EXOC8: variants seen among roughly 807,000 people sequenced by gnomAD.
The protein encoded by EXOC8 is exocyst complex component 8, also known as exocyst complex 84 kDa subunit.
A neutral mutation model predicts 50.8 loss-of-function variants in EXOC8; 19 were observed. That is an observed-to-expected ratio of 0.37 (90% CI 0.26 to 0.55). The LOEUF is 0.55. EXOC8 is among the 20% of genes least tolerant of loss of function. The pLI is 0.80. For missense variants in EXOC8, 781 were observed against 915.8 expected (o/e 0.85, Z 1.90); for synonymous variants, 384 against 367.9 (o/e 1.04, Z -0.50).
Position 231,337,146 on chromosome 1 carries a change from C to T in EXOC8, c.600G>A (p.Leu200=). The T allele has an allele frequency of 1.9e-6, 3 of 1,614,174 alleles. No individual in the cohort carries two copies. Among genetic ancestry groups the T allele is most frequent in the Middle Eastern group, 1.6e-4 (1 of 6,062 alleles). Residue 200 remains leucine (L), a synonymous_variant, in exon 1 of 1, where the codon CTG becomes CTA. Coordinates refer to ENST00000366645, the MANE Select transcript of EXOC8 (RefSeq NM_175876.5). This position sits in a 1 kb window ranked among gnomAD's most constrained non-coding sequence, Gnocchi z 5.9. ...TCATGAGAAAGCCGTGCACCCGCTG[C>T]AGTTGGGCCATGTGGTCCGCATCGT... ...VEYDADHMAQ[L]QRVHGFLMND...
chr1:231,335,472 T>C lies in EXOC8; in HGVS notation c.*96A>G. The C allele has an allele frequency of 8.7e-7, 1 of 1,146,800 alleles. No individual in the cohort carries two copies. The highest frequency in any genetic ancestry group is 1.1e-6 in the Non-Finnish European group (1 of 886,732). 71.0% of individuals were successfully genotyped at this position (1,146,800 alleles called of 1,614,324 possible). A position where few individuals can be genotyped will look rare whatever the true frequency, so the allele number is the denominator to read the frequency against. On this transcript the variant is annotated 3_prime_UTR_variant, in exon 1 of 1. Transcript: ENST00000366645. The stretch of plus-strand genomic sequence containing the variant: ...GGCACTTTTAATTTTCAAGTTGTGT[T>C]TGAAACTATAGAGTATGCTAATACA...
In EXOC8 at chr1:231,336,120, G is replaced by A. The variant is rs760040333; in HGVS notation, c.1626C>T (p.Ile542=). 1 of 1,614,206 alleles carries A rather than the reference G, an allele frequency of 6.2e-7. No individual in the cohort carries two copies. The highest frequency in any genetic ancestry group is 1.1e-5 in the South Asian group (1 of 91,082). The change falls in exon 1 of 1, where the codon ATC becomes ATT. Residue 542 remains isoleucine, a synonymous_variant. Coordinates refer to ENST00000366645, the MANE Select transcript of EXOC8 (RefSeq NM_175876.5). The surrounding 1 kb of genome is among the most constrained non-coding windows in gnomAD (Gnocchi z 5.4). ...TGTCTTTCACCAGAAGGGCATGGAT[G>A]ATGAAGGTGAGATCCAGTCCGATAT... The part of the protein sequence containing the change: ...LGDIGLDLTF[I]IHALLVKDIQ...
rs1166225160 is a variant in EXOC8, at chr1:231,334,708, A to T, written c.*860T>A. 6.6e-6 allele frequency: 1 copy of T among 152,244 alleles called. No homozygotes were observed. Among genetic ancestry groups the T allele is most frequent in the Non-Finnish European group, 1.5e-5 (1 of 68,040 alleles). The allele number at this position is 152,244 out of a possible 1,614,324, so 9.4% of individuals were successfully genotyped here. A position where few individuals can be genotyped will look rare whatever the true frequency, so the allele number is the denominator to read the frequency against. On this transcript the variant is annotated 3_prime_UTR_variant, in exon 1 of 1. Transcript: ENST00000366645. ...ATTAGCCATTCAAATTATATTGGAA[A>T]TATTTGCTGAATTGTTTTTATGAAA... is the stretch of plus-strand genomic sequence containing the variant.
rs1024087352 is a variant in EXOC8, at chr1:231,336,207, C to T, written c.1539G>A (p.Glu513=). Residue 513 remains glutamate (E), a synonymous_variant, in exon 1 of 1, where the codon GAG becomes GAA. Coordinates refer to ENST00000366645, the MANE Select transcript of EXOC8 (RefSeq NM_175876.5). The surrounding 1 kb of genome is among the most constrained non-coding windows in gnomAD (Gnocchi z 5.4). ...CACACTCAGCTGCTGTAGAGAGGCT[C>T]TCCTTACTATCAAACACCTGCTTGC... ...AFSKQVFDSK[E]SLSTAAECVK... is the part of the protein sequence containing the mutation. 6 of 1,614,012 alleles carry T rather than the reference C, an allele frequency of 3.7e-6. No homozygotes were observed. The highest frequency in any genetic ancestry group is 4.2e-6 in the Non-Finnish European group (5 of 1,180,044).
Position 231,336,040 on chromosome 1 carries a change from C to A in EXOC8, c.1706G>T (p.Arg569Leu), listed in dbSNP as rs1438528749. ...CCTCCTCCACATCTCTTCAGAGTTG[C>A]GATGTTTAGTGGCTTCAATGATGAT... is the stretch of plus-strand genomic sequence containing the variant. ...KEIIIEATKH[R>L]NSEEMWRRMN... The change falls in exon 1 of 1, where the codon CGC becomes CTC. Residue 569 changes from arginine to leucine, a missense_variant. By Grantham distance (102) the Arg-to-Leu change is moderately radical. This residue lies in a region of EXOC8 where 700 missense variants were observed against 804.1 expected (regional missense o/e 0.87). Transcript: ENST00000366645. The surrounding 1 kb of genome is among the most constrained non-coding windows in gnomAD (Gnocchi z 5.4). The A allele has an allele frequency of 1.2e-6, 2 of 1,614,168 alleles. No homozygotes were observed.
At position 231,337,249 on chromosome 1, in the gene EXOC8, A is replaced by G. The variant is rs1452629291; in HGVS notation, c.497T>C (p.Leu166Pro). 6.2e-7 allele frequency: 1 copy of G among 1,611,834 alleles called. No homozygotes were observed. Among genetic ancestry groups the G allele is most frequent in the Non-Finnish European group, 8.5e-7 (1 of 1,179,982 alleles). ...ATGCCTGCAGCCTTCCACCTTCTCAAGCAGGGTGGTGAGAGTGCGCTGCTT... is the reference window on the plus strand; with the variant it reads ...ATGCCTGCAGCCTTCCACCTTCTCAGGCAGGGTGGTGAGAGTGCGCTGCTT... Reference protein sequence around the residue: ...EGKQRTLTTLLEKVEGCRHLL... With the variant: ...EGKQRTLTTLPEKVEGCRHLL... The change falls in exon 1 of 1, where the codon CTT becomes CCT. Residue 166 changes from leucine (L) to proline (P), a missense_variant. Leu to Pro is a moderately conservative substitution (Grantham distance 98). Around this residue, in one of 3 missense-constraint regions of EXOC8, gnomAD observed 700 missense variants for 804.1 expected, o/e 0.87. Coordinates refer to ENST00000366645, the MANE Select transcript of EXOC8 (RefSeq NM_175876.5). The surrounding 1 kb of genome is among the most constrained non-coding windows in gnomAD (Gnocchi z 5.9).
At position 231,335,898 on chromosome 1, in the gene EXOC8, T is replaced by C. The variant is rs1403710974; in HGVS notation, c.1848A>G (p.Thr616=). 1 of 1,614,198 alleles carries C rather than the reference T, an allele frequency of 6.2e-7. No homozygotes were observed. Among genetic ancestry groups the C allele is most frequent in the East Asian group, 2.2e-5 (1 of 44,890 alleles). Residue 616 remains threonine (T), a synonymous_variant, in exon 1 of 1, where the codon ACA becomes ACG. Coordinates refer to ENST00000366645, the MANE Select transcript of EXOC8 (RefSeq NM_175876.5). ...GDDCWVNLSY[T]VVAFTKQTMG... is the part of the protein sequence containing the mutation. ...TGGTCTGTTTGGTGAAAGCAACCAC[T>C]GTGTAACTTAGGTTCACCCAGCAGT...
rs1686711372 is a variant in EXOC8, at chr1:231,337,555, T to A, written c.191A>T (p.Tyr64Phe). 1 of 1,613,190 alleles carries A rather than the reference T, an allele frequency of 6.2e-7. No homozygotes were observed. Among genetic ancestry groups the A allele is most frequent in the Non-Finnish European group, 8.5e-7 (1 of 1,179,950 alleles). The part of the protein sequence containing the change: ...ETAQNLKRNV[Y>F]QNYRQFIETA... ...CTCTATGAACTGCCGGTAGTTCTGGTAGACGTTGCGCTTCAGGTTCTGCGC... is the reference window on the plus strand; with the variant it reads ...CTCTATGAACTGCCGGTAGTTCTGGAAGACGTTGCGCTTCAGGTTCTGCGC... Residue 64 changes from tyrosine to phenylalanine, a missense_variant, in exon 1 of 1, where the codon TAC (tyrosine) becomes TTC (phenylalanine). Tyr to Phe is a conservative substitution (Grantham distance 22). This residue lies in a region of EXOC8 where 700 missense variants were observed against 804.1 expected (regional missense o/e 0.87). Coordinates refer to ENST00000366645, the MANE Select transcript of EXOC8 (RefSeq NM_175876.5). This position sits in a 1 kb window ranked among gnomAD's most constrained non-coding sequence, Gnocchi z 5.9.
At position 231,336,989 on chromosome 1, in the gene EXOC8, G is replaced by T; in HGVS notation, c.757C>A (p.Leu253Met). 1 of 1,614,136 alleles carries T rather than the reference G, an allele frequency of 6.2e-7. No homozygotes were observed. Among genetic ancestry groups the T allele is most frequent in the Non-Finnish European group, 8.5e-7 (1 of 1,180,036 alleles). Residue 253 changes from leucine to methionine, a missense_variant, in exon 1 of 1, where the codon CTG becomes ATG. By Grantham distance (15) the Leu-to-Met change is conservative. Transcript: ENST00000366645. The surrounding 1 kb of genome is among the most constrained non-coding windows in gnomAD (Gnocchi z 5.4). ...DNPPMKDMFK[L>M]LMFPESRIFQ... Reference sequence around the variant, plus strand: ...ATACGGCTCTCGGGGAACATAAGCAGCTTGAACATGTCCTTCATGGGCGGG... The same window carrying T: ...ATACGGCTCTCGGGGAACATAAGCATCTTGAACATGTCCTTCATGGGCGGG...
At position 231,335,722 on chromosome 1, in the gene EXOC8, C is replaced by T; in HGVS notation, c.2024G>A (p.Arg675Lys). Reference protein sequence around the residue: ...EQDPEKKAFIRQNASFLYETV... With the variant: ...EQDPEKKAFIKQNASFLYETV... ...TTCATATAAAAAGGATGCATTCTGT[C>T]TGATAAAAGCTTTCTTCTCTGGATC... The change falls in exon 1 of 1, where the codon AGA becomes AAA. Residue 675 changes from arginine to lysine, a missense_variant. By Grantham distance (26) the Arg-to-Lys change is conservative. Transcript: ENST00000366645. 6.2e-7 allele frequency: 1 copy of T among 1,614,184 alleles called. No individual in the cohort carries two copies. The highest frequency in any genetic ancestry group is 8.5e-7 in the Non-Finnish European group (1 of 1,180,030).
chr1:231,334,444 G>T lies in EXOC8; in HGVS notation c.*1124C>A, dbSNP rs933655222. 1 of 152,186 alleles carries T rather than the reference G, an allele frequency of 6.6e-6. No homozygotes were observed. The highest frequency in any genetic ancestry group is 1.5e-5 in the Non-Finnish European group (1 of 68,038). The allele number at this position is 152,186 out of a possible 1,614,324, so 9.4% of individuals were successfully genotyped here. ...ACTATATCTCCTACCCTGAATGGGG[G>T]AAGATGGGACAGCTATATCTCATAC... is the stretch of plus-strand genomic sequence containing the variant. On this transcript the variant is annotated 3_prime_UTR_variant, in exon 1 of 1. Transcript: ENST00000366645.
rs1359766550 is a variant in EXOC8, at chr1:231,337,221, C to A, written c.525G>T (p.Leu175=). The change falls in exon 1 of 1, where the codon CTG becomes CTT. Residue 175 remains leucine, a synonymous_variant. Transcript: ENST00000366645. This position sits in a 1 kb window ranked among gnomAD's most constrained non-coding sequence, Gnocchi z 5.9. ...LLEKVEGCRH[L]LETPGQYLVY... ...CCAAGTACTGTCCCGGCGTCTCCAGCAGATGCCTGCAGCCTTCCACCTTCT... is the reference window on the plus strand; with the variant it reads ...CCAAGTACTGTCCCGGCGTCTCCAGAAGATGCCTGCAGCCTTCCACCTTCT... The A allele has an allele frequency of 3.7e-6, 6 of 1,613,602 alleles. No homozygotes were observed. Among genetic ancestry groups the A allele is most frequent in the South Asian group, 1.1e-5 (1 of 91,084 alleles).
Position 231,336,545 on chromosome 1 carries a change from C to G in EXOC8, c.1201G>C (p.Asp401His), listed in dbSNP as rs200258755. 1.1e-5 allele frequency: 18 copies of G among 1,614,030 alleles called. No homozygotes were observed. In the African/African-American group the frequency reaches 2.1e-4, roughly 19 times the overall value. ...TEVLVFELSP[D>H]RSLRGGPKAT... ...TTCGGACCACCTCTCAGGGAACGATCTGGGGAGAGTTCGAAAACTAGCACC... is the reference window on the plus strand; with the variant it reads ...TTCGGACCACCTCTCAGGGAACGATGTGGGGAGAGTTCGAAAACTAGCACC... Residue 401 changes from aspartate (D) to histidine (H), a missense_variant, in exon 1 of 1, where the codon GAT becomes CAT. Physicochemically the swap from Asp to His is moderately conservative, Grantham distance 81. This residue lies in a region of EXOC8 where 700 missense variants were observed against 804.1 expected (regional missense o/e 0.87). Coordinates refer to ENST00000366645, the MANE Select transcript of EXOC8 (RefSeq NM_175876.5). The surrounding 1 kb of genome is among the most constrained non-coding windows in gnomAD (Gnocchi z 5.4).
chr1:231,335,648 G>C lies in EXOC8; in HGVS notation c.2098C>G (p.Pro700Ala). The change falls in exon 1 of 1, where the codon CCT becomes GCT. Residue 700 changes from proline (P) to alanine (A), a missense_variant. Pro to Ala is a conservative substitution (Grantham distance 27). Transcript: ENST00000366645. Reference sequence around the variant, plus strand: ...CTCAGATCTTGGAGTTGCTTGGCAGGTTTCCCCACACCTTCTTCAAACCTT... The same window carrying C: ...CTCAGATCTTGGAGTTGCTTGGCAGCTTTCCCCACACCTTCTTCAAACCTT... Reference protein sequence around the residue: ...EKRFEEGVGKPAKQLQDLRNA... With the variant: ...EKRFEEGVGKAAKQLQDLRNA... 1 of 1,614,142 alleles carries C rather than the reference G, an allele frequency of 6.2e-7. No individual in the cohort carries two copies. Among genetic ancestry groups the C allele is most frequent in the Non-Finnish European group, 8.5e-7 (1 of 1,180,022 alleles).
chr1:231,336,784 G>T lies in EXOC8; in HGVS notation c.962C>A (p.Ala321Asp). 6.2e-7 allele frequency: 1 copy of T among 1,614,180 alleles called. No homozygotes were observed. The highest frequency in any genetic ancestry group is 8.5e-7 in the Non-Finnish European group (1 of 1,180,028). The change falls in exon 1 of 1, where the codon GCT (alanine) becomes GAT (aspartate). Residue 321 changes from alanine to aspartate, a missense_variant. By Grantham distance (126) the Ala-to-Asp change is moderately radical. Transcript: ENST00000366645. The surrounding 1 kb of genome is among the most constrained non-coding windows in gnomAD (Gnocchi z 5.4). ...PFEDDEEEEP[A>D]VPEVEEEKVD... ...CTTCTCTTCCTCTACCTCAGGAACA[G>T]CTGGTTCTTCTTCTTCGTCATCCTC...
In EXOC8 at chr1:231,334,415, G is replaced by C. The variant is rs1174631082; in HGVS notation, c.*1153C>G. On this transcript the variant is annotated 3_prime_UTR_variant, in exon 1 of 1. Transcript: ENST00000366645. ...TTTTTTTCCATTTGCATGAAGTCTG[G>C]GTCACTATATCTCCTACCCTGAATG... The C allele has an allele frequency of 2.0e-5, 3 of 152,080 alleles. No homozygotes were observed. The highest frequency in any genetic ancestry group is 7.2e-5 in the African/African-American group (3 of 41,390). 9.4% of individuals were successfully genotyped at this position (152,080 alleles called of 1,614,324 possible). A position where few individuals can be genotyped will look rare whatever the true frequency, so the allele number is the denominator to read the frequency against.
chr1:231,337,194 C>T lies in EXOC8; in HGVS notation c.552G>A (p.Val184=), dbSNP rs757031850. The T allele has an allele frequency of 5.0e-6, 8 of 1,614,116 alleles. No homozygotes were observed. In the South Asian group the frequency reaches 6.6e-5, roughly 13 times the overall value. The change falls in exon 1 of 1, where the codon GTG becomes GTA. Residue 184 remains valine, a synonymous_variant. Transcript: ENST00000366645. This position sits in a 1 kb window ranked among gnomAD's most constrained non-coding sequence, Gnocchi z 5.9. ...CGTATTCCACTAGGTCCCCATTGTA[C>T]ACCAAGTACTGTCCCGGCGTCTCCA... ...HLLETPGQYL[V]YNGDLVEYDA...
rs369815997 is a variant in EXOC8, at chr1:231,335,894, C to T, written c.1852G>A (p.Val618Ile). Reference protein sequence around the residue: ...DCWVNLSYTVVAFTKQTMGFL... With the variant: ...DCWVNLSYTVIAFTKQTMGFL... Reference sequence around the variant, plus strand: ...CCCATGGTCTGTTTGGTGAAAGCAACCACTGTGTAACTTAGGTTCACCCAG... The same window carrying T: ...CCCATGGTCTGTTTGGTGAAAGCAATCACTGTGTAACTTAGGTTCACCCAG... The change falls in exon 1 of 1, where the codon GTT becomes ATT. Residue 618 changes from valine (V) to isoleucine (I), a missense_variant. This residue lies in a region of EXOC8 where 700 missense variants were observed against 804.1 expected (regional missense o/e 0.87). Transcript: ENST00000366645. 1 of 1,614,046 alleles carries T rather than the reference C, an allele frequency of 6.2e-7. No individual in the cohort carries two copies. The highest frequency in any genetic ancestry group is 8.5e-7 in the Non-Finnish European group (1 of 1,180,046).
Position 231,334,056 on chromosome 1 carries a change from T to C in EXOC8, c.*1512A>G, listed in dbSNP as rs896836327. On this transcript the variant is annotated 3_prime_UTR_variant, in exon 1 of 1. Coordinates refer to ENST00000366645, the MANE Select transcript of EXOC8 (RefSeq NM_175876.5). ...AACGCTATAGAATATACAACAGCGA[T>C]AGTTTAGAAACCTTGGGAAGCTCAC... 1 of 152,222 alleles carries C rather than the reference T, an allele frequency of 6.6e-6. No homozygotes were observed. Among genetic ancestry groups the C allele is most frequent in the Non-Finnish European group, 1.5e-5 (1 of 68,022 alleles). 9.4% of individuals were successfully genotyped at this position (152,222 alleles called of 1,614,324 possible).
Sources: allele counts gnomAD v4.1 joint callset, GRCh38; gene constraint gnomAD v4.1.1; regional missense constraint gnomAD v4.1.1; non-coding constraint Gnocchi (gnomAD v3.1); transcripts MANE v1.5; gene names NCBI Gene and HGNC (gene_info 2026-07-23, HGNC 2026-07-21).